RBFOX1: variants seen among roughly 807,000 people sequenced by gnomAD.
The protein encoded by RBFOX1 is RNA binding fox-1 homolog 1, also known as RNA binding protein fox-1 homolog 1.
Under a neutral mutation model 57.7 loss-of-function variants are expected in RBFOX1, and 8 were observed. That is an observed-to-expected ratio of 0.14 (90% CI 0.08 to 0.25). The LOEUF (loss-of-function observed/expected upper bound fraction) is 0.25, where lower values mean the gene tolerates loss of function less well. RBFOX1 is among the 10% of genes least tolerant of loss of function. RBFOX1 has a pLI of 1.00. For synonymous variants in RBFOX1, 326 were observed against 222.4 expected (o/e 1.47, Z -4.15); for missense variants, 611 against 548.5 (o/e 1.11, Z -1.14).
intron 1 of RBFOX1, among the ~76,000 whole-genome samples, chr16:5,317,517 G>T (rs1202932165): frequency 6.6e-6 from 1 of 152,176 alleles, no homozygotes; most frequent in Non-Finnish European, 1.5e-5. Context: ...ACTGAGGAAC[G>T]AGAATCGCTT....
At chr16:7,031,495 C>A (rs2042780343) in intron 3 of RBFOX1, among the ~76,000 whole-genome samples, 1 of 151,740 alleles carries the variant, frequency 6.6e-6, no homozygotes, top group South Asian at 2.1e-4. Context: ...ACTTGGGAGG[C>A]TGAGGCAGGA....
intron 4 of RBFOX1, among the ~76,000 whole-genome samples, chr16:5,949,718 G>A (rs141467770): frequency 2.2e-4 from 34 of 152,218 alleles, no homozygotes. Context: ...CTCAAAATAT[G>A]CTACCTCAAC....
intron 4 of RBFOX1, among the ~76,000 whole-genome samples, chr16:7,387,895 T>A (rs1245326418): frequency 2.0e-5 from 3 of 152,218 alleles, no homozygotes; most frequent in Non-Finnish European, 4.4e-5. Context: ...TTTTGTGCTG[T>A]CTTTGATTTT....
At chr16:6,502,574 T>C (rs2095968914) in intron 2 of RBFOX1, among the ~76,000 whole-genome samples, 1 of 152,176 alleles carries the variant, frequency 6.6e-6, no homozygotes, top group East Asian at 1.9e-4. Context: ...TTAGTAATTA[T>C]TAACTACTAT....
In RBFOX1 at chr16:5,563,099, G is replaced by A. The variant is rs1043210896; in HGVS notation, c.259-35803G>A. 2.6e-5 allele frequency among the ~76,000 whole-genome samples: 4 copies of A among 152,128 alleles called. No homozygotes were observed. In the East Asian group the frequency reaches 5.8e-4, roughly 22 times the overall value. On this transcript the variant is annotated intron_variant, in intron 2 of 2. Coordinates refer to the RBFOX1 transcript ENST00000585867. ...TGAGTAGCTGGGCTTACAGGCACCC[G>A]CCACCATGTCTGGCTAATTTTTGCA...
At chr16:7,508,331 A>T (rs1567575750) in intron 4 of RBFOX1, among the ~76,000 whole-genome samples, 1 of 152,106 alleles carries the variant, frequency 6.6e-6, no homozygotes, top group Admixed American at 6.6e-5. Context: ...TCCCTAGGAC[A>T]TTAATGCTTT....
intron 1 of RBFOX1, among the ~76,000 whole-genome samples, chr16:5,302,809 C>A (rs1216221212): frequency 6.6e-6 from 1 of 152,044 alleles, no homozygotes; most frequent in African/African-American, 2.4e-5. Flanking sequence ...TTAGTTTAAT[C>A]TTTATGTGTT....
chr16:7,693,930 C>G (rs1213015439), intron 14 of RBFOX1, among the ~76,000 whole-genome samples: 2 of 152,158 alleles, frequency 1.3e-5, no homozygotes, highest in African/African-American at 4.8e-5. Flanking sequence ...AGTAGCAGGA[C>G]TTAGAGAGAC....
chr16:7,540,025 A>T (rs987677726), intron 5 of RBFOX1, among the ~76,000 whole-genome samples: 2 of 152,200 alleles, frequency 1.3e-5, no homozygotes, highest in Non-Finnish European at 2.9e-5. Context: ...AAGGTGCCCT[A>T]TAAATTGTAG....
chr16:5,490,985 T>C (rs2042809231), intron 2 of RBFOX1, among the ~76,000 whole-genome samples: 1 of 152,142 alleles, frequency 6.6e-6, no homozygotes, highest in Admixed American at 6.5e-5. Flanking sequence ...TTTTTTTCCA[T>C]ATAGAAAACC....
chr16:6,504,912 AT>A (rs917667709), intron 2 of RBFOX1, among the ~76,000 whole-genome samples: 12 of 139,024 alleles, frequency 8.6e-5, no homozygotes, highest in Non-Finnish European at 9.6e-5. Context: ...AAAAAAAAAA[AT>A]TTTGTAATTT....
intron 1 of RBFOX1, among the ~76,000 whole-genome samples, chr16:5,362,431 C>T (rs1567388708): frequency 6.6e-6 from 1 of 152,248 alleles, no homozygotes; most frequent in Non-Finnish European, 1.5e-5. Context: ...GGCGCGATCT[C>T]AGCTCACCGC....
intron 3 of RBFOX1, among the ~76,000 whole-genome samples, chr16:5,684,372 A>G (rs1381133743): frequency 6.6e-6 from 1 of 152,152 alleles, no homozygotes; most frequent in Non-Finnish European, 1.5e-5. Flanking sequence ...AGGTCATGAG[A>G]TGGATGTCTC....
chr16:6,640,885 G>A (rs1180896149), intron 2 of RBFOX1, among the ~76,000 whole-genome samples: 3 of 152,084 alleles, frequency 2.0e-5, no homozygotes, highest in East Asian at 3.9e-4. Flanking sequence ...CAAGCAACAT[G>A]AACATCAGAA....
At chr16:7,705,865 G>A (rs767867573) in intron 14 of RBFOX1, among the ~76,000 whole-genome samples, 2 of 152,150 alleles carry the variant, frequency 1.3e-5, no homozygotes, top group African/African-American at 2.4e-5. Context: ...GATTTCTTCC[G>A]AAATTACTGA....
At chr16:7,657,903 C>A (rs879987) in intron 12 of RBFOX1, among the ~76,000 whole-genome samples, 1 of 152,202 alleles carries the variant, frequency 6.6e-6, no homozygotes, top group African/African-American at 2.4e-5. Context: ...GTCTACATAG[C>A]CTATGGAATT....
At position 6,820,613 on chromosome 16, in the gene RBFOX1, C is replaced by T. The variant is rs148916597; in HGVS notation, c.-16+165963C>T. 3.3e-5 allele frequency among the ~76,000 whole-genome samples: 5 copies of T among 152,108 alleles called. No homozygotes were observed. In the South Asian group the frequency reaches 8.3e-4, roughly 25 times the overall value. ...GTTAGAGGCTGCTGCAAGCCATGAT[C>T]ACACTACTACAGTCCAGCCTGAGTG... On this transcript the variant is annotated intron_variant, in intron 3 of 15. Coordinates refer to ENST00000550418, the MANE Select transcript of RBFOX1 (RefSeq NM_018723.4).
intron 3 of RBFOX1, among the ~76,000 whole-genome samples, chr16:6,861,779 T>G (rs905531270): frequency 2.7e-5 from 4 of 149,746 alleles, no homozygotes; most frequent in African/African-American, 4.9e-5. Context: ...CCAAAGTGTT[T>G]CCACGTTCAT....
At chr16:6,217,537 C>G (rs1598452757) in intron 1 of RBFOX1, among the ~76,000 whole-genome samples, 1 of 152,202 alleles carries the variant, frequency 6.6e-6, no homozygotes, top group Non-Finnish European at 1.5e-5. Context: ...TTGATTCCCC[C>G]TGCTCCTTTG....
Sources: allele counts gnomAD v4.1 joint callset (sites outside exome capture counted in the v4.1 genomes callset), GRCh38; gene constraint gnomAD v4.1.1; transcripts MANE v1.5; gene names NCBI Gene and HGNC (gene_info 2026-07-23, HGNC 2026-07-21).